The following MEF2C variants were observed in gnomAD, a reference collection of about 807,000 sequenced individuals.
The protein encoded by MEF2C is myocyte-specific enhancer factor 2C.
MEF2C carries 6 observed loss-of-function variants against 50.5 expected under a neutral mutation model. The ratio of observed to expected loss-of-function variants is 0.12; its 90% CI spans 0.07 to 0.23. MEF2C has a LOEUF of 0.23. Ranked by LOEUF, MEF2C falls within the 10% of genes least tolerant of loss-of-function variation. MEF2C has a pLI of 1.00. For missense variants in MEF2C, 276 were observed against 605.0 expected (o/e 0.46, Z 5.70); for synonymous variants, 183 against 228.0 (o/e 0.80, Z 1.78).
upstream of MEF2C, chr5:88,883,662 C>T: frequency 6.6e-6 from 1 of 152,354 alleles, no homozygotes; most frequent in Non-Finnish European, 1.5e-5. Flanking sequence ...CTTTGCTTCG[C>T]GCTGCCTTTT....
At chr5:88,851,233 C>CAAAAAAA (rs35458971) in intron 1 of MEF2C, among the ~76,000 whole-genome samples, 5 of 106,806 alleles carry the variant, frequency 4.7e-5, no homozygotes, top group African/African-American at 1.1e-4. Context: ...CTCCATCTCA[C>CAAAAAAA]AAAAAAAAAA....
chr5:88,865,455 A>G (rs1581738810), intron 1 of MEF2C, among the ~76,000 whole-genome samples: 1 of 152,162 alleles, frequency 6.6e-6, no homozygotes, highest in Non-Finnish European at 1.5e-5. Flanking sequence ...TCTTCAAGGA[A>G]TATTACTAAT....
intron 1 of MEF2C, among the ~76,000 whole-genome samples, chr5:88,859,243 AT>A (rs1442809234): frequency 1.3e-5 from 2 of 152,220 alleles, no homozygotes; most frequent in Non-Finnish European, 2.9e-5. Context: ...TTAAAACAGA[AT>A]TTTGGGATGC....
At chr5:88,824,377 A>T in intron 1 of MEF2C, 1 of 984,798 alleles carries the variant, frequency 1.0e-6, no homozygotes, top group Non-Finnish European at 1.2e-6. Context: ...TTGACAGCAG[A>T]GGTGATAACG....
rs945122178 is a variant in MEF2C, at chr5:88,833,937, C to T, written c.-142-10007G>A. On this transcript the variant is annotated intron_variant, in intron 1 of 10. Coordinates refer to ENST00000504921, the MANE Select transcript of MEF2C (RefSeq NM_002397.5). ...ACTCTGTAGTTACTTTGTTATAGTG[C>T]TATTTTAAAACACAGACCTTCATTG... Among the ~76,000 whole-genome samples, 71 of 152,242 alleles carry T rather than the reference C, an allele frequency of 4.7e-4. 1 individual carries two copies. Among genetic ancestry groups the T allele is most frequent in the African/African-American group, 1.6e-3 (68 of 41,556 alleles).
intron 3 of MEF2C, chr5:88,766,722 C>T: frequency 1.0e-6 from 1 of 985,364 alleles, no homozygotes; most frequent in Non-Finnish European, 1.2e-6. Flanking sequence ...TCCAAGTAAT[C>T]ACACTTTGTT....
chr5:88,736,633 T>C (rs1250891912), intron 6 of MEF2C: 4 of 985,142 alleles, frequency 4.1e-6, no homozygotes, highest in Non-Finnish European at 4.8e-6. Flanking sequence ...TAAAGCTGTA[T>C]GCAAACTTTT....
chr5:88,888,011 G>T (rs928184279), upstream of MEF2C, among the ~76,000 whole-genome samples: 2 of 152,146 alleles, frequency 1.3e-5, no homozygotes, highest in Admixed American at 1.3e-4. Context: ...CATTATATCC[G>T]AAGCTAACAC....
At chr5:88,770,986 G>A (rs1462102820) in intron 3 of MEF2C, among the ~76,000 whole-genome samples, 1 of 152,202 alleles carries the variant, frequency 6.6e-6, no homozygotes, top group Non-Finnish European at 1.5e-5. Flanking sequence ...TGGCTGGGGA[G>A]GCCTCAGAAT....
upstream of MEF2C, among the ~76,000 whole-genome samples, chr5:88,886,891 A>G (rs1210233242): frequency 1.3e-5 from 2 of 152,074 alleles, no homozygotes; most frequent in African/African-American, 2.4e-5. Context: ...TCTTACTCCA[A>G]CCTCCTCTCT....
At chr5:88,859,389 T>A (rs1280594851) in intron 1 of MEF2C, among the ~76,000 whole-genome samples, 1 of 152,216 alleles carries the variant, frequency 6.6e-6, no homozygotes, top group East Asian at 1.9e-4. Flanking sequence ...AAGTGTTTTC[T>A]CCTTTGTGAA....
intron 6 of MEF2C, chr5:88,742,423 G>A: frequency 2.0e-6 from 2 of 983,236 alleles, no homozygotes; most frequent in African/African-American, 1.7e-5. Flanking sequence ...AAACAACCAA[G>A]GTTTTCTTAT....
intron 1 of MEF2C, among the ~76,000 whole-genome samples, chr5:88,838,268 G>A (rs1815955446): frequency 6.6e-6 from 1 of 151,886 alleles, no homozygotes; most frequent in Admixed American, 6.6e-5. Flanking sequence ...TCTTATTCTT[G>A]ATGGCAAAAA....
intron 2 of MEF2C, among the ~76,000 whole-genome samples, chr5:88,813,074 T>C (rs1230251896): frequency 6.6e-6 from 1 of 152,174 alleles, no homozygotes; most frequent in Non-Finnish European, 1.5e-5. Flanking sequence ...AGTTGGTTTC[T>C]AGGTTCTGAC....
intron 1 of MEF2C, among the ~76,000 whole-genome samples, chr5:88,859,708 C>CA (rs1247314364): frequency 2.0e-5 from 3 of 152,160 alleles, no homozygotes; most frequent in Non-Finnish European, 4.4e-5. Flanking sequence ...GCTCAACGAG[C>CA]AAAAACTCTT....
chr5:88,737,101 A>T, intron 6 of MEF2C: 1 of 985,114 alleles, frequency 1.0e-6, no homozygotes, highest in African/African-American at 1.7e-5. Context: ...AGAATTATTC[A>T]GGAAAGGCAC....
chr5:88,775,508 A>G (rs1238195091), intron 3 of MEF2C, among the ~76,000 whole-genome samples: 1 of 152,210 alleles, frequency 6.6e-6, no homozygotes, highest in South Asian at 2.1e-4. Flanking sequence ...ACTATTACTG[A>G]TACTGCATGC....
chr5:88,872,438 T>C (rs1458603739), intron 1 of MEF2C, among the ~76,000 whole-genome samples: 1 of 152,026 alleles, frequency 6.6e-6, no homozygotes, highest in African/African-American at 2.4e-5. Flanking sequence ...GAAAGAAGTA[T>C]ATTGAACTTA....
chr5:88,788,114 C>G (rs1220224511), intron 3 of MEF2C, among the ~76,000 whole-genome samples: 1 of 152,194 alleles, frequency 6.6e-6, no homozygotes, highest in Non-Finnish European at 1.5e-5. Context: ...CAGGTGCAAC[C>G]TCTCCAGTTT....
Sources: gnomAD v4.1 joint callset for allele counts (sites outside exome capture counted in the v4.1 genomes callset) on GRCh38, gnomAD v4.1.1 for gene constraint, MANE v1.5 for transcripts, NCBI Gene and HGNC (gene_info 2026-07-23, HGNC 2026-07-21) for gene names.